The following ZCCHC7 variants were observed in gnomAD, a reference collection of about 807,000 sequenced individuals.
ZCCHC7 encodes the protein zinc finger CCHC-type containing 7.
In ZCCHC7, 35 loss-of-function variants were observed where a neutral mutation model predicts 52.0. The ratio of observed to expected loss-of-function variants is 0.67; its 90% CI spans 0.51 to 0.89. The LOEUF (loss-of-function observed/expected upper bound fraction) is 0.89, where lower values mean the gene tolerates loss of function less well. ZCCHC7 is among the 40% of genes least tolerant of loss of function. ZCCHC7 has a pLI of 0.00. For missense variants in ZCCHC7, 574 were observed against 649.1 expected (o/e 0.88, Z 1.26); for synonymous variants, 217 against 221.5 (o/e 0.98, Z 0.18).
intron 2 of ZCCHC7, among the ~76,000 whole-genome samples, chr9:37,164,792 C>T (rs1293224129): frequency 1.3e-5 from 2 of 152,120 alleles, no homozygotes; most frequent in Non-Finnish European, 1.5e-5. Context: ...TCCCAAACTC[C>T]TGGGTTCAAG....
chr9:37,120,569 C>G (rs1028548191), upstream of ZCCHC7: 1 of 399,242 alleles, frequency 2.5e-6, no homozygotes, highest in Admixed American at 4.4e-5. Flanking sequence ...CGCCCCTCCC[C>G]GTCCCTCTAC....
At chr9:37,265,426 C>T (rs562966741) in intron 2 of ZCCHC7, among the ~76,000 whole-genome samples, 1 of 152,298 alleles carries the variant, frequency 6.6e-6, no homozygotes, top group East Asian at 1.9e-4. Context: ...CGTCATTCCT[C>T]CCATCCCCAA....
intron 2 of ZCCHC7, among the ~76,000 whole-genome samples, chr9:37,155,119 G>C (rs528557437): frequency 2.8e-4 from 42 of 152,158 alleles, no homozygotes; most frequent in Admixed American, 9.2e-4. Context: ...CCAGCACTTT[G>C]GGAGGCCAAG....
intron 2 of ZCCHC7, among the ~76,000 whole-genome samples, chr9:37,165,196 C>T (rs987435177): frequency 2.0e-5 from 3 of 152,130 alleles, no homozygotes; most frequent in African/African-American, 7.2e-5. Context: ...GCTGAAATCA[C>T]TTACTAGTTC....
intron 2 of ZCCHC7, among the ~76,000 whole-genome samples, chr9:37,215,683 G>T (rs183398443): frequency 8.8e-4 from 134 of 152,202 alleles, no homozygotes; most frequent in African/African-American, 3.0e-3. Flanking sequence ...CTAATGTCTT[G>T]CTTCTTTATT....
At position 37,180,321 on chromosome 9, in the gene ZCCHC7, C is replaced by T. The variant is rs375461629; in HGVS notation, c.610+53379C>T. 1.4e-4 allele frequency among the ~76,000 whole-genome samples: 22 copies of T among 152,132 alleles called. No homozygotes were observed. The South Asian group carries it at 3.3e-3, about 23-fold the overall frequency. On this transcript the variant is annotated intron_variant, in intron 2 of 8. Transcript: ENST00000336755. ...TTTAAACACAGAATTCTCCTGTAAA[C>T]GTCCTCTAGGGGGAAAAAAGACATT...
chr9:37,281,777 AC>A (rs1827969596), intron 2 of ZCCHC7, among the ~76,000 whole-genome samples: 3 of 152,198 alleles, frequency 2.0e-5, no homozygotes, highest in Non-Finnish European at 4.4e-5. Context: ...TGGCTTCCCC[AC>A]CTGTAACCAA....
intron 2 of ZCCHC7, among the ~76,000 whole-genome samples, chr9:37,156,655 C>T (rs7024646): frequency 0.051 from 7,704 of 152,164 alleles, 639 homozygotes; most frequent in African/African-American, 0.17. Flanking sequence ...AAAAGATACC[C>T]ACATTTATGT....
At chr9:37,120,901 G>A in intron 1 of ZCCHC7, 1 of 178,310 alleles carries the variant, frequency 5.6e-6, no homozygotes, top group Non-Finnish European at 1.2e-5. Context: ...CTCGGTGAGG[G>A]TGGCGTGTCT....
chr9:37,185,388 T>C (rs1459520661), intron 2 of ZCCHC7, among the ~76,000 whole-genome samples: 2 of 152,230 alleles, frequency 1.3e-5, no homozygotes, highest in East Asian at 1.9e-4. Context: ...AGCCTTTAAA[T>C]AAATAAGATG....
chr9:37,148,591 A>G (rs904914179), intron 2 of ZCCHC7, among the ~76,000 whole-genome samples: 1 of 152,200 alleles, frequency 6.6e-6, no homozygotes, highest in Non-Finnish European at 1.5e-5. Context: ...CGTACCTGTT[A>G]TAAAGGTAAC....
intron 2 of ZCCHC7, among the ~76,000 whole-genome samples, chr9:37,252,720 A>G (rs780219793): frequency 2.4e-4 from 36 of 152,320 alleles, no homozygotes; most frequent in South Asian, 1.0e-3. Flanking sequence ...TACGTCAGTC[A>G]GAGCTGATTT....
intron 2 of ZCCHC7, among the ~76,000 whole-genome samples, chr9:37,200,478 A>G (rs973668408): frequency 1.3e-5 from 2 of 152,172 alleles, no homozygotes; most frequent in African/African-American, 2.4e-5. Flanking sequence ...CTCCATCACC[A>G]TCATGTCCAA....
At chr9:37,176,494 G>A (rs188358806) in intron 2 of ZCCHC7, among the ~76,000 whole-genome samples, 25 of 152,098 alleles carry the variant, frequency 1.6e-4, no homozygotes, top group Middle Eastern at 6.8e-3. Context: ...ACTGTTTGTG[G>A]TGTTTTAATA....
chr9:37,343,805 A>G (rs1181581321), intron 6 of ZCCHC7, among the ~76,000 whole-genome samples: 2 of 152,164 alleles, frequency 1.3e-5, no homozygotes, highest in Non-Finnish European at 2.9e-5. Context: ...CTTTTTCTAT[A>G]AAGAGCCAGG....
intron 2 of ZCCHC7, among the ~76,000 whole-genome samples, chr9:37,165,082 C>T (rs1821346197): frequency 6.6e-6 from 1 of 152,142 alleles, no homozygotes; most frequent in Non-Finnish European, 1.5e-5. Context: ...TCAAATTTAT[C>T]CCTGAGTGTT....
chr9:37,172,511 A>T (rs1013847405), intron 2 of ZCCHC7, among the ~76,000 whole-genome samples: 1 of 152,156 alleles, frequency 6.6e-6, no homozygotes, highest in South Asian at 2.1e-4. Context: ...TTTTAAAGGC[A>T]TTTCTTCTTA....
At chr9:37,121,669 C>T (rs1481205388) in intron 1 of ZCCHC7, 2 of 152,066 alleles carry the variant, frequency 1.3e-5, no homozygotes, top group South Asian at 2.1e-4. Context: ...TGATAATTAG[C>T]ACGGTAAGAG....
intron 3 of ZCCHC7, among the ~76,000 whole-genome samples, chr9:37,302,630 A>T (rs544231134): frequency 6.6e-6 from 1 of 152,218 alleles, no homozygotes; most frequent in Non-Finnish European, 1.5e-5. Flanking sequence ...GAATAATTTT[A>T]TAACTTGGTT....
Sources: allele counts gnomAD v4.1 joint callset (sites outside exome capture counted in the v4.1 genomes callset), GRCh38; gene constraint gnomAD v4.1.1; transcripts MANE v1.5; gene names NCBI Gene and HGNC (gene_info 2026-07-23, HGNC 2026-07-21).